The following MRPL48 variants were observed in gnomAD, a reference collection of about 807,000 sequenced individuals.
MRPL48 encodes large ribosomal subunit protein mL48.
In MRPL48, 16 loss-of-function variants were observed where a neutral mutation model predicts 32.9. That is an observed-to-expected ratio of 0.49 (90% CI 0.33 to 0.74). The LOEUF (loss-of-function observed/expected upper bound fraction) is 0.74, where lower values mean the gene tolerates loss of function less well. Ranked by LOEUF, MRPL48 falls within the 30% of genes least tolerant of loss-of-function variation. The pLI is 0.02. For synonymous variants in MRPL48, 94 were observed against 89.2 expected, an observed-to-expected ratio of 1.05 and a Z score of -0.31; for missense variants, 206 against 245.3, an observed-to-expected ratio of 0.84 and a Z score of 1.07.
intron 5 of MRPL48, among the ~76,000 whole-genome samples, chr11:73,858,472 C>T (rs565572956): frequency 6.6e-6 from 1 of 152,302 alleles, no homozygotes; most frequent in African/African-American, 2.4e-5. Context: ...ACTGTCATGT[C>T]TCTAGTCCAT....
At chr11:73,810,342 A>G (rs371200596) in intron 3 of MRPL48, among the ~76,000 whole-genome samples, 1 of 151,994 alleles carries the variant, frequency 6.6e-6, no homozygotes, top group African/African-American at 2.4e-5. Flanking sequence ...ACCAACATGG[A>G]GAAACCCCAT....
At chr11:73,820,707 A>G (rs1242837760) in intron 3 of MRPL48, among the ~76,000 whole-genome samples, 1 of 150,330 alleles carries the variant, frequency 6.7e-6, no homozygotes, top group African/African-American at 2.5e-5. Flanking sequence ...CCTTTCCAAT[A>G]TCTTATTTTA....
intron 4 of MRPL48, among the ~76,000 whole-genome samples, chr11:73,826,235 G>T (rs1350810287): frequency 6.6e-6 from 1 of 152,010 alleles, no homozygotes; most frequent in Non-Finnish European, 1.5e-5. Flanking sequence ...GCCCAGGCTG[G>T]TCTCAAGCTC....
chr11:73,818,289 T>A (rs1428389620), intron 3 of MRPL48, among the ~76,000 whole-genome samples: 1 of 152,172 alleles, frequency 6.6e-6, no homozygotes, highest in Non-Finnish European at 1.5e-5. Flanking sequence ...CTTTTTCTTA[T>A]TGATTTAAAA....
chr11:73,815,396 G>A (rs567381930), intron 3 of MRPL48, among the ~76,000 whole-genome samples: 4 of 151,804 alleles, frequency 2.6e-5, no homozygotes, highest in Admixed American at 1.3e-4. Flanking sequence ...CCTGGGCAAC[G>A]AGAGCGAAAC....
At chr11:73,804,307 C>T (rs544324123) in intron 1 of MRPL48, among the ~76,000 whole-genome samples, 14 of 148,386 alleles carry the variant, frequency 9.4e-5, no homozygotes, top group South Asian at 4.3e-4. Context: ...GACGGAATCT[C>T]ATTTTATGGC....
chr11:73,851,970 A>G (rs1482339793), intron 5 of MRPL48, among the ~76,000 whole-genome samples: 1 of 152,086 alleles, frequency 6.6e-6, no homozygotes, highest in African/African-American at 2.4e-5. Context: ...ATGCATGTAC[A>G]TACATACCGA....
At chr11:73,841,219 CA>C (rs1375553118) in intron 4 of MRPL48, among the ~76,000 whole-genome samples, 10 of 152,184 alleles carry the variant, frequency 6.6e-5, no homozygotes, top group Non-Finnish European at 1.3e-4. Flanking sequence ...AACTACTCTA[CA>C]AAACTGTTTG....
intron 1 of MRPL48, among the ~76,000 whole-genome samples, chr11:73,793,855 C>T (rs1429680514): frequency 1.2e-4 from 17 of 138,102 alleles, no homozygotes; most frequent in African/African-American, 3.5e-4. Context: ...AACCTTGTTT[C>T]GTGTTTTTTT....
intron 4 of MRPL48, among the ~76,000 whole-genome samples, chr11:73,826,987 G>T (rs1947908209): frequency 6.6e-6 from 1 of 150,620 alleles, no homozygotes; most frequent in Non-Finnish European, 1.5e-5. Context: ...TGTTGGCCAG[G>T]CTGGTCTCAA....
chr11:73,806,899 A>T (rs1050023643), intron 2 of MRPL48, among the ~76,000 whole-genome samples: 4 of 151,676 alleles, frequency 2.6e-5, no homozygotes, highest in African/African-American at 9.7e-5. Context: ...TTTGAGACAG[A>T]ATCTCTTTCA....
chr11:73,830,831 G>A (rs559178847), intron 4 of MRPL48, among the ~76,000 whole-genome samples: 1 of 151,858 alleles, frequency 6.6e-6, no homozygotes, highest in Non-Finnish European at 1.5e-5. Flanking sequence ...TGTTAATACT[G>A]TTTTTATCTC....
chr11:73,840,965 G>C (rs1393817174), intron 4 of MRPL48, among the ~76,000 whole-genome samples: 1 of 152,110 alleles, frequency 6.6e-6, no homozygotes, highest in Non-Finnish European at 1.5e-5. Context: ...TTTAAAATGA[G>C]CAAAATACTT....
intron 1 of MRPL48, among the ~76,000 whole-genome samples, chr11:73,798,994 CAAAA>C (rs113432463): frequency 7.8e-6 from 1 of 128,452 alleles, no homozygotes; most frequent in Non-Finnish European, 1.7e-5. Context: ...CCCTCTCAAG[CAAAA>C]AAAAAAAAAA....
At chr11:73,852,203 C>T (rs2135071069) in intron 5 of MRPL48, among the ~76,000 whole-genome samples, 1 of 152,170 alleles carries the variant, frequency 6.6e-6, no homozygotes, top group African/African-American at 2.4e-5. Context: ...ACTGGTTGCA[C>T]ATTTCTTGTC....
At chr11:73,815,653 C>G (rs1947651383) in intron 3 of MRPL48, among the ~76,000 whole-genome samples, 1 of 151,862 alleles carries the variant, frequency 6.6e-6, no homozygotes, top group Non-Finnish European at 1.5e-5. Context: ...AATACCCAGC[C>G]TAAGTCTAGG....
intron 3 of MRPL48, among the ~76,000 whole-genome samples, chr11:73,819,127 T>C (rs1247872212): frequency 6.6e-6 from 1 of 152,218 alleles, no homozygotes; most frequent in Non-Finnish European, 1.5e-5. Context: ...AACTGGCTAA[T>C]TAAGCAGTTT....
intron 4 of MRPL48, among the ~76,000 whole-genome samples, chr11:73,833,703 C>A (rs1288384680): frequency 6.6e-6 from 1 of 151,984 alleles, no homozygotes. Context: ...GAGACAGGGT[C>A]TTGCTCTGTT....
chr11:73,851,311 A>G, intron 5 of MRPL48: 1 of 239,084 alleles, frequency 4.2e-6, no homozygotes, highest in South Asian at 5.1e-5. Flanking sequence ...GCACAGAACC[A>G]GTAACTTGCC....
Sources: gnomAD v4.1 joint callset for allele counts (sites outside exome capture counted in the v4.1 genomes callset) on GRCh38, gnomAD v4.1.1 for gene constraint, MANE v1.5 for transcripts, NCBI Gene and HGNC (gene_info 2026-07-23, HGNC 2026-07-21) for gene names.